Variants in STPG1 observed in about 807,000 individuals in gnomAD.
The protein encoded by STPG1 is sperm tail PG-rich repeat containing 1.
Under a neutral mutation model 40.1 loss-of-function variants are expected in STPG1, and 33 were observed. That is an observed-to-expected ratio of 0.82 (90% CI 0.62 to 1.10). The LOEUF is 1.10. Among genes scored for constraint, STPG1 ranks in the 50% least tolerant of loss-of-function variants. STPG1 has a pLI of 0.00. For missense variants in STPG1, 396 were observed against 415.1 expected (o/e 0.95, Z 0.40); for synonymous variants, 150 against 155.0 (o/e 0.97, Z 0.24).
At chr1:24,391,957 A>T (rs79437859) in intron 2 of STPG1, 2 of 1,125,064 alleles carry the variant, frequency 1.8e-6, no homozygotes, top group East Asian at 6.3e-5. Flanking sequence ...AAGGAAGGAG[A>T]TGATAGTAAA....
intron 1 of STPG1, among the ~76,000 whole-genome samples, chr1:24,413,034 C>G (rs1570124154): frequency 6.6e-6 from 1 of 152,178 alleles, no homozygotes; most frequent in South Asian, 2.1e-4. Flanking sequence ...TTTGGATGTC[C>G]TGAGTAGTTT....
chr1:24,390,620 T>G (rs1209981170), intron 3 of STPG1, among the ~76,000 whole-genome samples: 2 of 152,160 alleles, frequency 1.3e-5, no homozygotes, highest in African/African-American at 4.8e-5. Context: ...GGTTTCACCA[T>G]GTTGGCCAGG....
At chr1:24,398,685 TA>T (rs1643101947) in intron 2 of STPG1, among the ~76,000 whole-genome samples, 1 of 152,036 alleles carries the variant, frequency 6.6e-6, no homozygotes, top group Non-Finnish European at 1.5e-5. Context: ...AAAAATCAAT[TA>T]ATTTTTTTGT....
In STPG1 at chr1:24,361,033, G is replaced by C. The variant is rs142852156; in HGVS notation, c.746C>G (p.Pro249Arg). 1 of 1,604,688 alleles carries C rather than the reference G, an allele frequency of 6.2e-7. No homozygotes were observed. The highest frequency in any genetic ancestry group is 8.5e-7 in the Non-Finnish European group (1 of 1,175,188). The change falls in exon 8 of 9, where the codon CCC (proline) becomes CGC (arginine). Residue 249 changes from proline (P) to arginine (R), a missense_variant. Transcript: ENST00000337248. ...AGGCTGAGCAGAGAAGTTCAGGATGGGGTTTTTCCTTTGGGAAAGATAAAA... is the reference window on the plus strand; with the variant it reads ...AGGCTGAGCAGAGAAGTTCAGGATGCGGTTTTTCCTTTGGGAAAGATAAAA... ...VPKKTLFPKN[P>R]ILNFSAQPSP... is the part of the protein sequence containing the mutation.
chr1:24,395,245 A>T (rs1642945099), intron 2 of STPG1, among the ~76,000 whole-genome samples: 1 of 152,148 alleles, frequency 6.6e-6, no homozygotes, highest in Admixed American at 6.5e-5. Flanking sequence ...AAAACTTTTA[A>T]AACTATATAA....
chr1:24,379,854 T>G, intron 4 of STPG1, 31 bp from the exon 5 acceptor site: 4 of 1,604,402 alleles, frequency 2.5e-6, no homozygotes, highest in Non-Finnish European at 3.4e-6. Flanking sequence ...GAATCAGCAT[T>G]GTCACATAAT....
intron 7 of STPG1, among the ~76,000 whole-genome samples, chr1:24,361,333 C>T (rs934219886): frequency 6.6e-6 from 1 of 152,286 alleles, no homozygotes; most frequent in East Asian, 1.9e-4. Context: ...ACAGTGAGAG[C>T]TCAGTGTGCA....
intron 8 of STPG1, 55 bp downstream of exon 8, chr1:24,360,796 G>T (rs997779200): frequency 6.7e-7 from 1 of 1,490,034 alleles, no homozygotes; most frequent in Non-Finnish European, 9.1e-7. Context: ...ACCCAAGAAT[G>T]ACAAACAGTT....
Position 24,378,064 on chromosome 1 carries a change from CTG to C in STPG1, c.462+1587_462+1588del, listed in dbSNP as rs1275123184. Reference sequence around the variant, plus strand: ...AGGCTCTGATTATGCCGAGGGAAGACTGCCTGGAGTTGGACTGCCCAGTATAG... The same window carrying C: ...AGGCTCTGATTATGCCGAGGGAAGACCCTGGAGTTGGACTGCCCAGTATAG... On this transcript the variant is annotated intron_variant, in intron 5 of 8. Transcript: ENST00000337248. 5.1e-3 allele frequency among the ~76,000 whole-genome samples: 769 copies of C among 152,260 alleles called. 7 individuals are homozygous for C. The highest frequency in any genetic ancestry group is 0.017 in the African/African-American group (717 of 41,542).
intron 2 of STPG1, among the ~76,000 whole-genome samples, chr1:24,398,687 A>AT (rs1038827935): frequency 1.3e-5 from 2 of 152,056 alleles, no homozygotes; most frequent in African/African-American, 2.4e-5. Context: ...AAATCAATTA[A>AT]TTTTTTTGTA....
At chr1:24,387,649 C>T (rs1378780935) in intron 3 of STPG1, among the ~76,000 whole-genome samples, 2 of 152,106 alleles carry the variant, frequency 1.3e-5, no homozygotes, top group Non-Finnish European at 2.9e-5. Flanking sequence ...GGATTTAGCT[C>T]ATGGGGTTAT....
At chr1:24,385,345 G>T (rs766596703) in intron 3 of STPG1, among the ~76,000 whole-genome samples, 1 of 152,196 alleles carries the variant, frequency 6.6e-6, no homozygotes, top group Non-Finnish European at 1.5e-5. Flanking sequence ...AATGATCCCC[G>T]GTGGACGGAA....
chr1:24,369,763 GT>G lies in STPG1; in HGVS notation c.647del (p.Asn216ThrfsTer4). The G allele has an allele frequency of 6.2e-7, 1 of 1,613,168 alleles. No individual in the cohort carries two copies. The highest frequency in any genetic ancestry group is 8.5e-7 in the Non-Finnish European group (1 of 1,179,310). Reference protein sequence around the residue: ...TLMSCFKSKTNRGLKLTSTGP... With the variant: ...TLMSCFKSKTXRGLKLTSTGP... ...CTGTTGACGTCAGTTTTAATCCACG[GT>G]TGGTTTTTGATTTAAAACAAGACAT... On this transcript the variant is annotated frameshift_variant, in exon 7 of 9. Transcript: ENST00000337248. LOFTEE classifies it high-confidence loss of function.
chr1:24,385,037 A>T (rs1288269426), intron 3 of STPG1, among the ~76,000 whole-genome samples: 1 of 152,144 alleles, frequency 6.6e-6, no homozygotes, highest in East Asian at 1.9e-4. Flanking sequence ...GGCAAACCCC[A>T]GAGCTGAACC....
At chr1:24,408,897 C>G (rs1412739138) in intron 1 of STPG1, among the ~76,000 whole-genome samples, 1 of 152,176 alleles carries the variant, frequency 6.6e-6, no homozygotes, top group Non-Finnish European at 1.5e-5. Flanking sequence ...GTAATCCTCA[C>G]AGCAGCAATT....
chr1:24,404,308 T>C (rs563036197), intron 1 of STPG1, among the ~76,000 whole-genome samples: 1 of 152,390 alleles, frequency 6.6e-6, no homozygotes, highest in South Asian at 2.1e-4. Flanking sequence ...ATCACTTTTA[T>C]ATATTGAAGG....
chr1:24,360,272 C>T (rs1232700412), intron 8 of STPG1, among the ~76,000 whole-genome samples: 1 of 152,126 alleles, frequency 6.6e-6, no homozygotes, highest in Non-Finnish European at 1.5e-5. Context: ...TAGCGAACCC[C>T]TGTCTGTCTC....
At chr1:24,386,378 C>T (rs1397608348) in intron 3 of STPG1, among the ~76,000 whole-genome samples, 1 of 152,232 alleles carries the variant, frequency 6.6e-6, no homozygotes, top group Non-Finnish European at 1.5e-5. Flanking sequence ...CCTGTTTGTT[C>T]TTAGTGAGCA....
intron 1 of STPG1, chr1:24,410,575 C>A: frequency 6.5e-6 from 1 of 152,934 alleles, no homozygotes; most frequent in Non-Finnish European, 1.5e-5. Flanking sequence ...CGCCACCGCA[C>A]TCCAGCCTGG....
Sources: gnomAD v4.1 joint callset for allele counts (sites outside exome capture counted in the v4.1 genomes callset) on GRCh38, gnomAD v4.1.1 for gene constraint, MANE v1.5 for transcripts, NCBI Gene and HGNC (gene_info 2026-07-23, HGNC 2026-07-21) for gene names.